VWC2L: variants seen among roughly 807,000 people sequenced by gnomAD.
The protein encoded by VWC2L is von Willebrand factor C domain containing 2 like.
A neutral mutation model predicts 21.6 loss-of-function variants in VWC2L; 10 were observed. The ratio of observed to expected loss-of-function variants is 0.46; its 90% CI spans 0.29 to 0.78. The LOEUF (loss-of-function observed/expected upper bound fraction) is 0.78. Among genes scored for constraint, VWC2L ranks in the 30% least tolerant of loss-of-function variants. VWC2L has a pLI of 0.10. For missense variants in VWC2L, 209 were observed against 277.1 expected (o/e 0.75, Z 1.74); for synonymous variants, 96 against 94.3 (o/e 1.02, Z -0.10).
intron 2 of VWC2L, among the ~76,000 whole-genome samples, chr2:214,421,885 CTT>C (rs761759449): frequency 9.2e-5 from 7 of 76,162 alleles, no homozygotes; most frequent in African/African-American, 1.3e-4. Flanking sequence ...TTTCCTACAT[CTT>C]TTTTTTTTTT....
chr2:214,440,185 AC>A (rs1319052634), intron 3 of VWC2L, among the ~76,000 whole-genome samples: 1 of 152,012 alleles, frequency 6.6e-6, no homozygotes, highest in Non-Finnish European at 1.5e-5. Flanking sequence ...AAATAAAAAC[AC>A]TAAGGAAAGA....
intron 3 of VWC2L, among the ~76,000 whole-genome samples, chr2:214,511,722 T>C (rs1689056273): frequency 6.6e-6 from 1 of 151,940 alleles, no homozygotes; most frequent in South Asian, 2.1e-4. Flanking sequence ...ATCTGAAAAA[T>C]ATATATTTCT....
At chr2:214,488,018 A>G (rs1688694516) in intron 3 of VWC2L, among the ~76,000 whole-genome samples, 1 of 152,162 alleles carries the variant, frequency 6.6e-6, no homozygotes, top group African/African-American at 2.4e-5. Flanking sequence ...AAATAAGTAT[A>G]TGTTACTCCT....
intron 3 of VWC2L, among the ~76,000 whole-genome samples, chr2:214,573,232 C>G (rs1369446520): frequency 6.6e-6 from 1 of 152,052 alleles, no homozygotes; most frequent in Non-Finnish European, 1.5e-5. Context: ...CATGTCTCTA[C>G]ACATACACAT....
intron 3 of VWC2L, among the ~76,000 whole-genome samples, chr2:214,544,665 G>A (rs1033287687): frequency 4.6e-5 from 7 of 152,092 alleles, no homozygotes; most frequent in African/African-American, 7.2e-5. Context: ...CCTTGGGAAA[G>A]TCTCTTCCCC....
In VWC2L at chr2:214,539,511, G is replaced by A. The variant is rs114044094; in HGVS notation, c.521-36161G>A. 2.6e-3 allele frequency among the ~76,000 whole-genome samples: 392 copies of A among 152,200 alleles called. 1 individual carries two copies. The highest frequency in any genetic ancestry group is 8.7e-3 in the African/African-American group (363 of 41,542). ...AGACCTTTTAGGTCTGTTACTGTGT[G>A]ACTAGTTATTCTGAACCACTAAACT... On this transcript the variant is annotated intron_variant, in intron 3 of 3. Transcript: ENST00000312504.
rs543676124 is a variant in VWC2L at position 214,422,723 on chromosome 2, G to A, written c.390+8140G>A. ...TTGATTTCCTTGCCTCTAGCCTGCT[G>A]TAGAGTATATCACAATAAACCATCT... is the stretch of plus-strand genomic sequence containing the variant. On this transcript the variant is annotated intron_variant, in intron 2 of 3. Transcript: ENST00000312504. 1.2e-3 allele frequency among the ~76,000 whole-genome samples: 188 copies of A among 152,270 alleles called. 1 individual carries two copies. Among genetic ancestry groups the A allele is most frequent in the Non-Finnish European group, 1.8e-3 (124 of 68,002 alleles).
At chr2:214,487,643 C>T (rs933531023) in intron 3 of VWC2L, among the ~76,000 whole-genome samples, 3 of 152,082 alleles carry the variant, frequency 2.0e-5, no homozygotes, top group Non-Finnish European at 4.4e-5. Context: ...GACAATGGGC[C>T]TTCCATGAAA....
intron 3 of VWC2L, chr2:214,473,762 G>A (rs1244571153): frequency 6.1e-5 from 7 of 115,036 alleles, no homozygotes; most frequent in South Asian, 3.5e-4. Flanking sequence ...CAGGTACAGC[G>A]CAACTTCCTG....
At chr2:214,461,933 G>A (rs1358400072) in intron 3 of VWC2L, among the ~76,000 whole-genome samples, 1 of 152,200 alleles carries the variant, frequency 6.6e-6, no homozygotes, top group Non-Finnish European at 1.5e-5. Flanking sequence ...CCTCGCCAGT[G>A]AACTGCACTG....
At chr2:214,554,934 C>A (rs2105926778) in intron 3 of VWC2L, among the ~76,000 whole-genome samples, 1 of 152,260 alleles carries the variant, frequency 6.6e-6, no homozygotes, top group Non-Finnish European at 1.5e-5. Flanking sequence ...TCTGAAGAAT[C>A]CTCCTTCCCT....
intron 3 of VWC2L, among the ~76,000 whole-genome samples, chr2:214,515,072 T>C (rs1689118973): frequency 6.6e-6 from 1 of 152,200 alleles, no homozygotes. Context: ...AGTCCATCTT[T>C]TGTTAATATA....
At chr2:214,524,597 C>T (rs905851419) in intron 3 of VWC2L, among the ~76,000 whole-genome samples, 1 of 152,120 alleles carries the variant, frequency 6.6e-6, no homozygotes, top group African/African-American at 2.4e-5. Flanking sequence ...CTAGCATGTG[C>T]CAGGCGCTGT....
chr2:214,575,577 TACTC>T, intron 3 of VWC2L, 91 bp from the exon 4 acceptor site: 1 of 1,397,200 alleles, frequency 7.2e-7, no homozygotes, highest in South Asian at 1.3e-5. Flanking sequence ...TAGTCTGACT[TACTC>T]ATTTATGGCT....
At chr2:214,520,459 T>C (rs76075129) in intron 3 of VWC2L, among the ~76,000 whole-genome samples, 9,209 of 152,306 alleles carry the variant, frequency 0.06, 387 homozygotes, top group Non-Finnish European at 0.091. Context: ...TAAATGATTC[T>C]TCAGTGAACT....
intron 3 of VWC2L, among the ~76,000 whole-genome samples, chr2:214,482,414 A>G (rs1288829522): frequency 6.6e-6 from 1 of 151,826 alleles, no homozygotes; most frequent in Non-Finnish European, 1.5e-5. Context: ...ACCAGCATGG[A>G]GAAAATTTTT....
At chr2:214,531,054 T>C (rs1014080479) in intron 3 of VWC2L, among the ~76,000 whole-genome samples, 1 of 152,202 alleles carries the variant, frequency 6.6e-6, no homozygotes, top group Non-Finnish European at 1.5e-5. Flanking sequence ...TCTTCATCCT[T>C]AAGTGAACTT....
At chr2:214,487,684 GA>G (rs1396668985) in intron 3 of VWC2L, among the ~76,000 whole-genome samples, 1 of 152,142 alleles carries the variant, frequency 6.6e-6, no homozygotes, top group Non-Finnish European at 1.5e-5. Context: ...AGAGTCCCTG[GA>G]GCAAGTGCAT....
Position 214,520,345 on chromosome 2 carries a change from G to T in VWC2L, c.521-55327G>T, listed in dbSNP as rs1277460676. ...ATGTAATCAATTATTCTTTGAAAATGGGACTTTAATGTCTGTAAATATTCC... is the reference window on the plus strand; with the variant it reads ...ATGTAATCAATTATTCTTTGAAAATTGGACTTTAATGTCTGTAAATATTCC... On this transcript the variant is annotated intron_variant, in intron 3 of 3. Coordinates refer to ENST00000312504, the MANE Select transcript of VWC2L (RefSeq NM_001080500.4). Among the ~76,000 whole-genome samples the T allele has an allele frequency of 2.0e-5, 3 of 152,192 alleles. No homozygotes were observed. The East Asian group carries it at 5.8e-4, about 29-fold the overall frequency.
Sources: gnomAD v4.1 joint callset for allele counts (sites outside exome capture counted in the v4.1 genomes callset) on GRCh38, gnomAD v4.1.1 for gene constraint, MANE v1.5 for transcripts, NCBI Gene and HGNC (gene_info 2026-07-23, HGNC 2026-07-21) for gene names.